The following TENM1 variants were observed in gnomAD, a reference collection of about 807,000 sequenced individuals.
TENM1 encodes teneurin transmembrane protein 1.
In TENM1, 35 loss-of-function variants were observed where a neutral mutation model predicts 174.8. The observed-to-expected ratio is 0.20, with a 90% CI of 0.15 to 0.27. The LOEUF is 0.27. Among genes scored for constraint, TENM1 ranks in the 10% least tolerant of loss-of-function variants. The probability of loss-of-function intolerance (pLI) is 1.00; values close to 1 mark genes in which losing one functional copy is unlikely to be tolerated. For missense variants in TENM1, 1,633 were observed against 2,130.1 expected, an observed-to-expected ratio of 0.77 and a Z score of 4.59; for synonymous variants, 781 against 798.7, an observed-to-expected ratio of 0.98 and a Z score of 0.37.
At chrX:124,960,381 T>TA (rs2058635890) in intron 1 of TENM1, among the ~76,000 whole-genome samples, 2 of 112,237 alleles carry the variant, frequency 1.8e-5, no homozygotes, top group African/African-American at 6.5e-5. Flanking sequence ...TTTTTATCTG[T>TA]AAAACCACTT....
chrX:124,841,621 T>TAAA (rs761346749), intron 3 of TENM1, among the ~76,000 whole-genome samples: 4 of 83,112 alleles, frequency 4.8e-5, no homozygotes, highest in Non-Finnish European at 7.2e-5. Flanking sequence ...TGTGAATGAT[T>TAAA]AAAAAAAAAA....
chrX:125,192,752 A>G, the TENM1 span, among the ~76,000 whole-genome samples: 7 of 111,810 alleles, frequency 6.3e-5, no homozygotes. Flanking sequence ...ATAAACAGGC[A>G]TTTATTGTTT....
intron 1 of TENM1, among the ~76,000 whole-genome samples, chrX:124,941,435 G>A (rs1236730291): frequency 9.0e-6 from 1 of 111,389 alleles, no homozygotes; most frequent in Non-Finnish European, 1.9e-5. Flanking sequence ...TCATTTAAAT[G>A]TTTAGTGTGC....
chrX:124,913,478 T>C (rs980554573), intron 1 of TENM1, among the ~76,000 whole-genome samples: 6 of 111,913 alleles, frequency 5.4e-5, no homozygotes, highest in African/African-American at 9.7e-5. Flanking sequence ...ATGACCAATA[T>C]ATGGTACACA....
At chrX:124,657,010 T>C (rs1416761905) in intron 6 of TENM1, among the ~76,000 whole-genome samples, 2 of 111,209 alleles carry the variant, frequency 1.8e-5, no homozygotes, top group African/African-American at 3.3e-5. Flanking sequence ...AAATGGGATC[T>C]ATTTGGCCAA....
intron 11 of TENM1, among the ~76,000 whole-genome samples, chrX:124,616,965 G>A (rs1429190873): frequency 1.8e-5 from 2 of 111,749 alleles, no homozygotes; most frequent in Non-Finnish European, 3.8e-5. Context: ...TGGTGCTAAG[G>A]AAAGAAAAGC....
chrX:124,530,615 A>G (rs1253233475), intron 15 of TENM1, among the ~76,000 whole-genome samples: 1 of 111,683 alleles, frequency 9.0e-6, no homozygotes, highest in Non-Finnish European at 1.9e-5. Flanking sequence ...ATACACTGCT[A>G]AAGTGCCTTT....
chrX:124,384,999 G>A (rs1022513077), intron 29 of TENM1, 145 bp from the exon 33 acceptor site: 20 of 462,219 alleles, frequency 4.3e-5, no homozygotes, highest in African/African-American at 1.5e-4. Flanking sequence ...AAATGCCTGG[G>A]CATATTACCT....
intron 6 of TENM1, among the ~76,000 whole-genome samples, chrX:124,659,644 A>G (rs1340720288): frequency 2.7e-5 from 3 of 111,383 alleles, no homozygotes; most frequent in Non-Finnish European, 5.7e-5. Flanking sequence ...TAAAATTAAT[A>G]TGGAAATGCA....
At chrX:124,425,829 A>G (rs2060707451) in intron 23 of TENM1, among the ~76,000 whole-genome samples, 1 of 111,413 alleles carries the variant, frequency 9.0e-6, no homozygotes, top group Non-Finnish European at 1.9e-5. Flanking sequence ...GCTGCTGTCC[A>G]GACCATATTA....
intron 27 of TENM1, among the ~76,000 whole-genome samples, chrX:124,395,379 T>C (rs746134375): frequency 1.1e-4 from 12 of 109,765 alleles, no homozygotes; most frequent in Non-Finnish European, 2.1e-4. Context: ...TCTTCATTGG[T>C]CAGCTGGGGC....
chrX:125,134,632 C>G, the TENM1 span, among the ~76,000 whole-genome samples: 2 of 112,162 alleles, frequency 1.8e-5, no homozygotes, highest in Non-Finnish European at 3.8e-5. Flanking sequence ...AGTTTGCTCT[C>G]CAAGATCATG....
the TENM1 span, among the ~76,000 whole-genome samples, chrX:125,005,859 G>A: frequency 9.0e-5 from 10 of 111,588 alleles, no homozygotes; most frequent in Non-Finnish European, 1.9e-4. Context: ...CTTTTCCCAC[G>A]GATTTTTGCA....
intron 3 of TENM1, among the ~76,000 whole-genome samples, chrX:124,823,128 A>G (rs2056077199): frequency 8.9e-6 from 1 of 112,304 alleles, no homozygotes; most frequent in South Asian, 3.6e-4. Context: ...ACACTGTTAT[A>G]CTAAGCTGCT....
chrX:125,126,405 C>T, the TENM1 span, among the ~76,000 whole-genome samples: 1 of 111,558 alleles, frequency 9.0e-6, no homozygotes, highest in African/African-American at 3.3e-5. Context: ...GATTAAGGTG[C>T]TGGACTATAT....
chrX:124,766,308 C>T (rs1193747339), intron 3 of TENM1, among the ~76,000 whole-genome samples: 2 of 111,566 alleles, frequency 1.8e-5, no homozygotes, highest in African/African-American at 6.5e-5. Context: ...TTCCAAATGT[C>T]TGGCTATGAT....
the TENM1 span, among the ~76,000 whole-genome samples, chrX:124,980,909 TG>T: frequency 8.9e-6 from 1 of 112,223 alleles, no homozygotes; most frequent in Non-Finnish European, 1.9e-5. Flanking sequence ...GAAGATGTAT[TG>T]TTTTTTATCA....
chrX:124,859,563 A>G (rs757137568), intron 3 of TENM1, among the ~76,000 whole-genome samples: 1 of 110,241 alleles, frequency 9.1e-6, no homozygotes, highest in South Asian at 3.9e-4. Flanking sequence ...AAAAAAACAA[A>G]AAGAAAGTTT....
At chrX:125,160,176 G>A in the TENM1 span, among the ~76,000 whole-genome samples, 54 of 103,202 alleles carry the variant, frequency 5.2e-4, 1 homozygote, top group African/African-American at 1.9e-3. Flanking sequence ...ACTCTAACTT[G>A]GGGGACAGGG....
Sources: gnomAD v4.1 joint callset for allele counts (sites outside exome capture counted in the v4.1 genomes callset) on GRCh38, gnomAD v4.1.1 for gene constraint, MANE v1.5 for transcripts, NCBI Gene and HGNC (gene_info 2026-07-23, HGNC 2026-07-21) for gene names.